Variants in TCF12 observed in about 807,000 individuals in gnomAD.
TCF12 encodes the protein transcription factor 12, also known as DNA-binding protein HTF4.
TCF12 carries 45 observed loss-of-function variants against 86.0 expected under a neutral mutation model. The observed-to-expected ratio is 0.52, with a 90% CI of 0.41 to 0.67. TCF12 has a LOEUF of 0.67. Among genes scored for constraint, TCF12 ranks in the 30% least tolerant of loss-of-function variants. The pLI, the probability that TCF12 is intolerant of heterozygous loss-of-function variation, is 0.00. For missense variants in TCF12, 881 were observed against 859.9 expected (o/e 1.02, Z -0.31); for synonymous variants, 330 against 299.6 (o/e 1.10, Z -1.05).
At chr15:56,967,076 C>T (rs1417334540) in intron 3 of TCF12, among the ~76,000 whole-genome samples, 2 of 152,042 alleles carry the variant, frequency 1.3e-5, no homozygotes, top group African/African-American at 4.8e-5. Flanking sequence ...GAGTCGAGAT[C>T]GTGCCACTGC....
At chr15:57,290,017 A>C (rs567832352), downstream of TCF12, among the ~76,000 whole-genome samples, 357 of 142,732 alleles carry the variant, frequency 2.5e-3, 3 homozygotes, top group Middle Eastern at 0.015. Context: ...TTTTAAGAGG[A>C]TTTTTTTTTT....
chr15:57,231,097 A>G lies in TCF12; in HGVS notation c.580-55A>G, dbSNP rs568549455. 37 of 1,346,568 alleles carry G rather than the reference A, an allele frequency of 2.7e-5. No individual in the cohort carries two copies. In the South Asian group the frequency reaches 3.7e-4, roughly 13 times the overall value. 83.4% of individuals were successfully genotyped at this position (1,346,568 alleles called of 1,614,324 possible). On this transcript the variant is annotated intron_variant, in intron 8 of 20. Transcript: ENST00000333725. Reference sequence around the variant, plus strand: ...TTACAGAATATAGAACTCATTTTACATAAGTAATATGATAGTCATTTACAT... The same window carrying G: ...TTACAGAATATAGAACTCATTTTACGTAAGTAATATGATAGTCATTTACAT...
intron 6 of TCF12, among the ~76,000 whole-genome samples, chr15:57,170,459 G>C (rs2055231419): frequency 6.7e-6 from 1 of 149,150 alleles, no homozygotes; most frequent in Admixed American, 6.8e-5. Context: ...TATGTAGTAG[G>C]TCTCTGAAAC....
intron 5 of TCF12, among the ~76,000 whole-genome samples, chr15:57,124,059 G>A (rs1208631564): frequency 8.7e-5 from 13 of 148,670 alleles, no homozygotes; most frequent in African/African-American, 3.0e-4. Context: ...AAGTGATCCC[G>A]CTACCTCAAC....
intron 3 of TCF12, among the ~76,000 whole-genome samples, chr15:57,052,229 A>C (rs2067680921): frequency 6.6e-6 from 1 of 152,064 alleles, no homozygotes; most frequent in South Asian, 2.1e-4. Flanking sequence ...AGTTGAGTAC[A>C]TTCTTGGTGT....
intron 3 of TCF12, among the ~76,000 whole-genome samples, chr15:56,987,852 A>G (rs1351973790): frequency 6.6e-6 from 1 of 152,212 alleles, no homozygotes; most frequent in Non-Finnish European, 1.5e-5. Context: ...TGCATTTTCA[A>G]GATAAACTCA....
intron 4 of TCF12, among the ~76,000 whole-genome samples, chr15:57,088,228 G>T (rs1051198516): frequency 4.6e-5 from 7 of 152,146 alleles, no homozygotes; most frequent in Non-Finnish European, 1.0e-4. Flanking sequence ...CAGCCTGTTG[G>T]AAGTTACTAC....
intron 3 of TCF12, among the ~76,000 whole-genome samples, chr15:56,960,267 A>C (rs549987727): frequency 1.3e-5 from 2 of 152,122 alleles, no homozygotes; most frequent in Non-Finnish European, 2.9e-5. Context: ...AATTTGGTTT[A>C]GTTTGAGTCA....
chr15:57,070,890 A>G (rs1293370364), intron 4 of TCF12, among the ~76,000 whole-genome samples: 1 of 152,168 alleles, frequency 6.6e-6, no homozygotes, highest in Non-Finnish European at 1.5e-5. Context: ...GAGTGTATCT[A>G]TGGGCAGAGG....
chr15:56,937,182 T>C (rs1489816154), intron 3 of TCF12, among the ~76,000 whole-genome samples: 1 of 152,198 alleles, frequency 6.6e-6, no homozygotes, highest in Non-Finnish European at 1.5e-5. Flanking sequence ...GTAGACGTCC[T>C]TTACCTCCTT....
intron 8 of TCF12, among the ~76,000 whole-genome samples, chr15:57,200,737 CTG>C (rs1268665318): frequency 6.6e-6 from 1 of 152,128 alleles, no homozygotes; most frequent in African/African-American, 2.4e-5. Context: ...TTTTTGTAAA[CTG>C]TTTTATATTT....
At chr15:56,958,962 A>G (rs1215457914) in intron 3 of TCF12, among the ~76,000 whole-genome samples, 1 of 152,152 alleles carries the variant, frequency 6.6e-6, no homozygotes, top group African/African-American at 2.4e-5. Context: ...ATGAGTTTCA[A>G]CCTCAGTGCC....
chr15:57,273,701 G>C (rs1186517966), intron 19 of TCF12, among the ~76,000 whole-genome samples: 2 of 152,044 alleles, frequency 1.3e-5, no homozygotes, highest in Non-Finnish European at 2.9e-5. Flanking sequence ...AGGATGCCTT[G>C]TTATCATCCC....
intron 4 of TCF12, 33 bp from the exon 5 acceptor site, chr15:57,091,756 C>T: frequency 6.5e-7 from 1 of 1,531,552 alleles, no homozygotes; most frequent in South Asian, 1.1e-5. Context: ...GCCAAATAAT[C>T]TCTTTAATAC....
chr15:57,113,981 T>G (rs1235747695), intron 5 of TCF12, among the ~76,000 whole-genome samples: 2 of 151,640 alleles, frequency 1.3e-5, no homozygotes, highest in Non-Finnish European at 2.9e-5. Context: ...AATAGTAAAT[T>G]TAGAGATGAA....
chr15:57,177,608 CAGAGAGAGAGAGAGAGAG>C (rs11270421), intron 6 of TCF12, among the ~76,000 whole-genome samples: 137 of 123,004 alleles, frequency 1.1e-3, no homozygotes, highest in African/African-American at 3.8e-3. Context: ...GTTAAAAGGC[CAGAGAGAGAGAGAGAGAG>C]AGAGAGAGAG....
intron 3 of TCF12, among the ~76,000 whole-genome samples, chr15:57,003,638 C>A (rs1315914343): frequency 3.3e-5 from 5 of 152,210 alleles, no homozygotes; most frequent in Admixed American, 6.5e-5. Flanking sequence ...TCGTTGTCTG[C>A]TGGGAATGTG....
intron 12 of TCF12, 96 bp downstream of exon 12, chr15:57,234,203 T>G: frequency 3.2e-6 from 3 of 937,648 alleles, no homozygotes; most frequent in Non-Finnish European, 3.4e-6. Context: ...AGAGTATAGA[T>G]GTAACAAGAT....
intron 19 of TCF12, chr15:57,282,195 T>C: frequency 2.0e-6 from 1 of 504,230 alleles, no homozygotes; most frequent in Non-Finnish European, 3.5e-6. Flanking sequence ...AGCATTTTGA[T>C]TTAAATCAAA....
Sources: gnomAD v4.1 joint callset for allele counts (sites outside exome capture counted in the v4.1 genomes callset) on GRCh38, gnomAD v4.1.1 for gene constraint, MANE v1.5 for transcripts, NCBI Gene and HGNC (gene_info 2026-07-23, HGNC 2026-07-21) for gene names.